The following GALNT17 variants were observed in gnomAD, a reference collection of about 807,000 sequenced individuals.
The protein encoded by GALNT17 is polypeptide N-acetylgalactosaminyltransferase 17.
A neutral mutation model predicts 63.7 loss-of-function variants in GALNT17; 29 were observed. The ratio of observed to expected loss-of-function variants is 0.46; its 90% confidence interval spans 0.34 to 0.62. The LOEUF (loss-of-function observed/expected upper bound fraction) is 0.62, where lower values mean the gene tolerates loss of function less well. Among genes scored for constraint, GALNT17 ranks in the 20% least tolerant of loss-of-function variants. The pLI is 0.01. For missense variants in GALNT17, 603 were observed against 799.6 expected (o/e 0.75, Z 2.97); for synonymous variants, 305 against 318.3 (o/e 0.96, Z 0.45).
intron 5 of GALNT17, among the ~76,000 whole-genome samples, chr7:71,514,804 A>G (rs908046904): frequency 6.6e-6 from 1 of 152,120 alleles, no homozygotes; most frequent in African/African-American, 2.4e-5. Flanking sequence ...CCCTCACCAG[A>G]GCCTGACCAC....
intron 1 of GALNT17, among the ~76,000 whole-genome samples, chr7:71,145,481 G>A (rs914427878): frequency 1.4e-4 from 21 of 152,226 alleles, no homozygotes; most frequent in African/African-American, 4.8e-4. Context: ...CTGGGTGACA[G>A]AGTGAGACCC....
intron 9 of GALNT17, among the ~76,000 whole-genome samples, chr7:71,698,732 CAA>C (rs1791581323): frequency 6.6e-6 from 1 of 151,912 alleles, no homozygotes; most frequent in African/African-American, 2.4e-5. Context: ...ACAGAAAGCA[CAA>C]AGAGAGATGG....
At chr7:71,310,799 A>G (rs537951987) in intron 1 of GALNT17, among the ~76,000 whole-genome samples, 4 of 152,336 alleles carry the variant, frequency 2.6e-5, no homozygotes, top group South Asian at 4.1e-4. Context: ...GGGCTAGAGA[A>G]GTGGCTCTGT....
intron 1 of GALNT17, among the ~76,000 whole-genome samples, chr7:71,138,991 T>G (rs147965313): frequency 6.6e-6 from 1 of 152,088 alleles, no homozygotes; most frequent in East Asian, 1.9e-4. Context: ...ATAAATAAAA[T>G]AAAAAAGAAA....
At chr7:71,382,800 TAG>T (rs905786240) in intron 2 of GALNT17, among the ~76,000 whole-genome samples, 8 of 151,936 alleles carry the variant, frequency 5.3e-5, no homozygotes, top group East Asian at 1.9e-4. Context: ...GATGGGGAGG[TAG>T]AGAGAGAGAA....
intron 4 of GALNT17, among the ~76,000 whole-genome samples, 191 bp downstream of exon 4, chr7:71,416,254 G>A (rs2906267): frequency 0.05 from 7,664 of 152,200 alleles, 678 homozygotes; most frequent in African/African-American, 0.18. Flanking sequence ...TTTGTCTGCC[G>A]TCTGTTCAGT....
chr7:71,592,921 A>C (rs1290994435), intron 6 of GALNT17, among the ~76,000 whole-genome samples: 1 of 152,102 alleles, frequency 6.6e-6, no homozygotes, highest in Non-Finnish European at 1.5e-5. Flanking sequence ...GAGAGGTGGG[A>C]GAATTGCTTG....
chr7:71,561,510 C>A (rs1311366562), intron 5 of GALNT17, among the ~76,000 whole-genome samples: 1 of 152,106 alleles, frequency 6.6e-6, no homozygotes, highest in Admixed American at 6.6e-5. Flanking sequence ...TGAAGCAGAA[C>A]TAAGACCAAA....
chr7:71,479,028 T>G (rs935144297), intron 5 of GALNT17, among the ~76,000 whole-genome samples: 2 of 152,184 alleles, frequency 1.3e-5, no homozygotes, highest in Non-Finnish European at 2.9e-5. Context: ...CCAAATCACT[T>G]GGCACTTCGC....
chr7:71,347,948 T>C (rs2116161965), intron 2 of GALNT17, among the ~76,000 whole-genome samples: 1 of 152,322 alleles, frequency 6.6e-6, no homozygotes, highest in South Asian at 2.1e-4. Flanking sequence ...TTTCCACATA[T>C]TGAAGTAATT....
intron 1 of GALNT17, among the ~76,000 whole-genome samples, chr7:71,235,601 A>T (rs1451954008): frequency 6.6e-6 from 1 of 152,232 alleles, no homozygotes; most frequent in African/African-American, 2.4e-5. Flanking sequence ...ACGTCATCAG[A>T]TATTTTTCTC....
chr7:71,707,406 G>C (rs886474018), intron 9 of GALNT17, among the ~76,000 whole-genome samples: 3 of 152,158 alleles, frequency 2.0e-5, no homozygotes, highest in African/African-American at 7.2e-5. Context: ...CCTTCCCCAG[G>C]AAAGTAAAGG....
intron 2 of GALNT17, among the ~76,000 whole-genome samples, chr7:71,341,136 A>G (rs1319929927): frequency 6.6e-6 from 1 of 152,190 alleles, no homozygotes; most frequent in Non-Finnish European, 1.5e-5. Context: ...GAACACTTGA[A>G]CCTAGGAGTT....
At position 71,527,143 on chromosome 7, in the gene GALNT17, T is replaced by C. The variant is rs116124510; in HGVS notation, c.963-44142T>C. On this transcript the variant is annotated intron_variant, in intron 5 of 10. Coordinates refer to ENST00000333538, the MANE Select transcript of GALNT17 (RefSeq NM_022479.3). Reference sequence around the variant, plus strand: ...TTGTTTTCATAATTGTGATTGTTGATGTAGCTATTCAATAAAATGAATGAA... The same window carrying C: ...TTGTTTTCATAATTGTGATTGTTGACGTAGCTATTCAATAAAATGAATGAA... Among the ~76,000 whole-genome samples, 435 of 152,296 alleles carry C rather than the reference T, an allele frequency of 2.9e-3. 2 individuals carry two copies. The highest frequency in any genetic ancestry group is 9.6e-3 in the African/African-American group (400 of 41,564).
chr7:71,623,103 A>G (rs577368756), intron 6 of GALNT17, among the ~76,000 whole-genome samples: 1 of 151,958 alleles, frequency 6.6e-6, no homozygotes, highest in Non-Finnish European at 1.5e-5. Flanking sequence ...ATGAGCTCCT[A>G]AGTTCCCTGA....
At chr7:71,200,582 T>G (rs74872960) in intron 1 of GALNT17, among the ~76,000 whole-genome samples, 2,291 of 152,268 alleles carry the variant, frequency 0.015, 87 homozygotes, top group East Asian at 0.096. Context: ...AATACCTGAA[T>G]TATTTTCATC....
At chr7:71,505,160 G>A (rs1005525052) in intron 5 of GALNT17, among the ~76,000 whole-genome samples, 12 of 152,006 alleles carry the variant, frequency 7.9e-5, no homozygotes, top group African/African-American at 2.2e-4. Context: ...GAACAGTTTC[G>A]CTTCTCTTCC....
chr7:71,373,875 G>T (rs574825503), intron 2 of GALNT17, among the ~76,000 whole-genome samples: 1 of 152,016 alleles, frequency 6.6e-6, no homozygotes, highest in African/African-American at 2.4e-5. Flanking sequence ...CTAACCACAC[G>T]TTTCTCCAAA....
At chr7:71,388,553 G>C (rs1225550044) in intron 3 of GALNT17, 152 bp downstream of exon 3, 8 of 960,948 alleles carry the variant, frequency 8.3e-6, no homozygotes, top group Non-Finnish European at 1.5e-6. Context: ...TTGAGATGGA[G>C]TCTTGCTGTG....
Sources: gnomAD v4.1 joint callset for allele counts (sites outside exome capture counted in the v4.1 genomes callset) on GRCh38, gnomAD v4.1.1 for gene constraint, MANE v1.5 for transcripts, NCBI Gene and HGNC (gene_info 2026-07-23, HGNC 2026-07-21) for gene names.